CCDC7: variants seen among roughly 807,000 people sequenced by gnomAD.
CCDC7 encodes the protein coiled-coil domain containing 7.
In CCDC7, 183 loss-of-function variants were observed where a neutral mutation model predicts 196.9. The ratio of observed to expected loss-of-function variants is 0.93; its 90% CI spans 0.82 to 1.05. The LOEUF (loss-of-function observed/expected upper bound fraction) is 1.05, where lower values mean the gene tolerates loss of function less well. Ranked by LOEUF, CCDC7 falls within the 50% of genes least tolerant of loss-of-function variation. CCDC7 has a pLI of 0.00. For synonymous variants in CCDC7, 525 were observed against 484.6 expected (o/e 1.08, Z -1.10); for missense variants, 1,540 against 1,482.2 (o/e 1.04, Z -0.64).
At chr10:32,837,486 A>G (rs766466529) in intron 33 of CCDC7, among the ~76,000 whole-genome samples, 1 of 152,196 alleles carries the variant, frequency 6.6e-6, no homozygotes, top group Non-Finnish European at 1.5e-5. Context: ...GGGACCGTAA[A>G]CTAGTTCAAC....
At chr10:32,657,514 C>T (rs1271671134) in intron 20 of CCDC7, among the ~76,000 whole-genome samples, 1 of 152,232 alleles carries the variant, frequency 6.6e-6, no homozygotes, top group African/African-American at 2.4e-5. Flanking sequence ...ATGGTCTGAG[C>T]TGTACATTGG....
At chr10:32,595,933 T>C (rs1036729494) in intron 18 of CCDC7, among the ~76,000 whole-genome samples, 3 of 152,232 alleles carry the variant, frequency 2.0e-5, no homozygotes, top group East Asian at 3.8e-4. Context: ...TCTGTTCTTT[T>C]ACATTTGCTG....
chr10:32,631,163 G>A (rs931172281), intron 18 of CCDC7, among the ~76,000 whole-genome samples: 1 of 152,104 alleles, frequency 6.6e-6, no homozygotes, highest in Admixed American at 6.5e-5. Context: ...TAATTGTGAA[G>A]TTCAATTTAT....
chr10:32,540,270 G>C (rs1201226342), intron 11 of CCDC7, among the ~76,000 whole-genome samples: 1 of 152,182 alleles, frequency 6.6e-6, no homozygotes, highest in Non-Finnish European at 1.5e-5. Flanking sequence ...TTACCAATAT[G>C]TACTGCCCAT....
At chr10:32,816,106 A>C (rs1229865086) in intron 31 of CCDC7, among the ~76,000 whole-genome samples, 2 of 152,332 alleles carry the variant, frequency 1.3e-5, no homozygotes, top group East Asian at 3.9e-4. Context: ...GGGGTGACAC[A>C]TGGCACCTGG....
chr10:32,738,861 G>A (rs12269026), intron 28 of CCDC7, among the ~76,000 whole-genome samples: 2 of 152,014 alleles, frequency 1.3e-5, no homozygotes, highest in Admixed American at 1.3e-4. Flanking sequence ...TCTCTCTGAA[G>A]AATGTTTAAA....
chr10:32,706,338 A>G (rs1354786154), intron 24 of CCDC7, among the ~76,000 whole-genome samples: 2 of 152,136 alleles, frequency 1.3e-5, no homozygotes, highest in Admixed American at 6.5e-5. Flanking sequence ...AGGGAAATTT[A>G]TAGCACTAAA....
chr10:32,682,334 A>G (rs1438242515), intron 21 of CCDC7, among the ~76,000 whole-genome samples: 1 of 152,092 alleles, frequency 6.6e-6, no homozygotes, highest in Non-Finnish European at 1.5e-5. Flanking sequence ...AGCCTTATCA[A>G]TGTTGCTGCA....
rs549703356 is a variant in CCDC7 at position 32,651,341 on chromosome 10, GT to G, written c.2015-12712del. 7.5e-3 allele frequency among the ~76,000 whole-genome samples: 1,137 copies of G among 152,312 alleles called. 9 individuals are homozygous for G. The highest frequency in any genetic ancestry group is 0.012 in the Non-Finnish European group (821 of 68,032). Reference sequence around the variant, plus strand: ...CTTCCTCCCTATTCAGCCTCAGCATGTGAGTCTTTTTTCCATCCACATTTGG... The same window carrying G: ...CTTCCTCCCTATTCAGCCTCAGCATGGAGTCTTTTTTCCATCCACATTTGG... On this transcript the variant is annotated intron_variant, in intron 20 of 41. Coordinates refer to ENST00000639629, the Ensembl canonical transcript of CCDC7.
At position 32,825,977 on chromosome 10, in the gene CCDC7, C is replaced by T. The variant is rs148035051; in HGVS notation, c.3268+1373C>T. Reference sequence around the variant, plus strand: ...CTTTTTTACCAGAAGAAACAGCTTCCCCATCCCCAGTAGTGACAACATCCT... The same window carrying T: ...CTTTTTTACCAGAAGAAACAGCTTCTCCATCCCCAGTAGTGACAACATCCT... On this transcript the variant is annotated intron_variant, in intron 32 of 41. Transcript: ENST00000639629. 3.3e-5 allele frequency among the ~76,000 whole-genome samples: 5 copies of T among 152,242 alleles called. No individual in the cohort carries two copies. In the East Asian group the frequency reaches 7.7e-4, roughly 24 times the overall value.
At chr10:32,863,459 C>T (rs556273897) in intron 41 of CCDC7, among the ~76,000 whole-genome samples, 1 of 152,110 alleles carries the variant, frequency 6.6e-6, no homozygotes, top group South Asian at 2.1e-4. Context: ...TTCAAACAAT[C>T]CTCCTGCCCC....
At chr10:32,518,083 AGTTT>A in intron 10 of CCDC7, 108 bp downstream of exon 11, 1 of 1,343,078 alleles carries the variant, frequency 7.4e-7, no homozygotes, top group East Asian at 2.6e-5. Flanking sequence ...ATCCTTACTT[AGTTT>A]ATTTAAGAGA....
At chr10:32,566,959 T>G (rs1002040438) in intron 14 of CCDC7, among the ~76,000 whole-genome samples, 1 of 138,676 alleles carries the variant, frequency 7.2e-6, no homozygotes, top group Non-Finnish European at 1.5e-5. Flanking sequence ...ATATGCAGGG[T>G]TTTTTATATA....
chr10:32,600,857 G>A (rs1027051922), intron 18 of CCDC7, among the ~76,000 whole-genome samples: 1 of 152,072 alleles, frequency 6.6e-6, no homozygotes, highest in African/African-American at 2.4e-5. Flanking sequence ...TTACTACTTG[G>A]TGTGCTTTGA....
At chr10:32,491,317 A>T (rs1332309921) in intron 8 of CCDC7, among the ~76,000 whole-genome samples, 1 of 152,152 alleles carries the variant, frequency 6.6e-6, no homozygotes, top group Non-Finnish European at 1.5e-5. Flanking sequence ...GTCTTCTGTC[A>T]TATACTTTTT....
At chr10:32,510,806 A>G (rs2045991144) in intron 9 of CCDC7, among the ~76,000 whole-genome samples, 1 of 152,162 alleles carries the variant, frequency 6.6e-6, no homozygotes, top group Non-Finnish European at 1.5e-5. Flanking sequence ...TACACTTTGA[A>G]TATCAACAAA....
exon 20 of CCDC7, chr10:32,635,148 G>C (rs1413550775): frequency 2.5e-6 from 1 of 398,498 alleles, no homozygotes; most frequent in Non-Finnish European, 4.4e-6. Context: ...CCAGAAATGA[G>C]AGTTTTCATT....
intron 20 of CCDC7, among the ~76,000 whole-genome samples, chr10:32,662,361 C>T (rs557318216): frequency 2.0e-5 from 3 of 152,180 alleles, no homozygotes; most frequent in African/African-American, 4.8e-5. Flanking sequence ...GGTGCTTTTT[C>T]CTGTATAGAT....
chr10:32,511,588 T>C, intron 9 of CCDC7: 1 of 1,604,980 alleles, frequency 6.2e-7, no homozygotes, highest in Admixed American at 1.7e-5. Flanking sequence ...CTTTTGCTTG[T>C]TCAAGTGGAT....
Sources: allele counts gnomAD v4.1 joint callset (sites outside exome capture counted in the v4.1 genomes callset), GRCh38; gene constraint gnomAD v4.1.1; transcripts MANE v1.5; gene names NCBI Gene and HGNC (gene_info 2026-07-23, HGNC 2026-07-21).